SUCLA2: variants seen among roughly 807,000 people sequenced by gnomAD.
SUCLA2 encodes the protein succinate--CoA ligase [ADP-forming] subunit beta, mitochondrial.
In SUCLA2, 30 loss-of-function variants were observed where a neutral mutation model predicts 54.8. That is an observed-to-expected ratio of 0.55 (90% confidence interval 0.41 to 0.74). The LOEUF is 0.74. SUCLA2 is among the 30% of genes least tolerant of loss of function. The probability of loss-of-function intolerance (pLI) is 0.00; values close to 1 mark genes in which losing one functional copy is unlikely to be tolerated. For missense variants in SUCLA2, 476 were observed against 562.9 expected, an observed-to-expected ratio of 0.85 and a Z score of 1.56; for synonymous variants, 172 against 188.9, an observed-to-expected ratio of 0.91 and a Z score of 0.74.
In SUCLA2 at chr13:48,001,156, C is replaced by T. The variant is rs9567972; in HGVS notation, c.90+24G>A. ...CCCTTTCTCCTGCCGACCCTCGAGA[C>T]GACAGCGGACTGGAAGGCATTACCT... On this transcript the variant is annotated intron_variant, in intron 1 of 10. Transcript: ENST00000646932. The T allele has an allele frequency of 0.79, 1,256,075 of 1,596,726 alleles. 499,113 individuals carry two copies. Among genetic ancestry groups the T allele is most frequent in the Non-Finnish European group, 0.82 (961,505 of 1,172,150 alleles).
intron 6 of SUCLA2, among the ~76,000 whole-genome samples, chr13:47,961,314 C>T (rs369302929): frequency 5.9e-5 from 9 of 152,168 alleles, no homozygotes; most frequent in African/African-American, 9.6e-5. Context: ...AGTTGGCATG[C>T]TATCTTTATT....
At chr13:47,948,575 A>T (rs1162274445) in intron 10 of SUCLA2, among the ~76,000 whole-genome samples, 2 of 152,100 alleles carry the variant, frequency 1.3e-5, no homozygotes, top group Admixed American at 1.3e-4. Context: ...ATCTTGCTTA[A>T]GTCAGTTTAG....
intron 10 of SUCLA2, among the ~76,000 whole-genome samples, chr13:47,948,370 T>C (rs553657617): frequency 1.3e-5 from 2 of 151,868 alleles, no homozygotes; most frequent in East Asian, 3.9e-4. Flanking sequence ...CGTGCATGTG[T>C]GTGTGCGTGC....
chr13:47,978,979 C>T (rs1950039915), intron 4 of SUCLA2, among the ~76,000 whole-genome samples: 2 of 152,132 alleles, frequency 1.3e-5, no homozygotes, highest in South Asian at 4.1e-4. Flanking sequence ...CATCTCATGC[C>T]AGTTAGAATG....
At chr13:48,001,014 G>A in intron 1 of SUCLA2, 166 bp downstream of exon 1, 1 of 1,466,512 alleles carries the variant, frequency 6.8e-7, no homozygotes, top group Non-Finnish European at 9.1e-7. Flanking sequence ...GGGCTCGCTC[G>A]TAGTCCTGGC....
chr13:47,962,329 A>C (rs1417512439), intron 6 of SUCLA2, among the ~76,000 whole-genome samples: 1 of 152,208 alleles, frequency 6.6e-6, no homozygotes, highest in Non-Finnish European at 1.5e-5. Context: ...TTATTTGCAT[A>C]TATTTAATAA....
chr13:47,948,039 A>G (rs1477680740), intron 10 of SUCLA2, among the ~76,000 whole-genome samples: 1 of 152,200 alleles, frequency 6.6e-6, no homozygotes, highest in East Asian at 1.9e-4. Flanking sequence ...AAACATAACC[A>G]TAATACCATT....
At chr13:47,973,469 A>C in intron 4 of SUCLA2, 77 bp from the exon 5 acceptor site, 9 of 1,505,052 alleles carry the variant, frequency 6.0e-6, no homozygotes, top group Non-Finnish European at 8.2e-6. Flanking sequence ...CTACCCGTGC[A>C]TAATATCAGA....
chr13:47,974,750 T>C (rs1949995607), intron 4 of SUCLA2, among the ~76,000 whole-genome samples: 1 of 152,128 alleles, frequency 6.6e-6, no homozygotes, highest in African/African-American at 2.4e-5. Flanking sequence ...AATTATCTAA[T>C]AGATCTACTA....
intron 1 of SUCLA2, chr13:48,000,873 T>C (rs752270151): frequency 1.1e-3 from 1,303 of 1,201,960 alleles, no homozygotes; most frequent in Admixed American, 1.6e-3. Flanking sequence ...CAGCAGAAAA[T>C]GTCCTGACCC....
chr13:47,962,674 G>A (rs934027691), intron 6 of SUCLA2, among the ~76,000 whole-genome samples: 1 of 152,112 alleles, frequency 6.6e-6, no homozygotes, highest in Admixed American at 6.6e-5. Flanking sequence ...GGTCACCTAT[G>A]GTATGGAGCT....
At chr13:47,956,872 T>C (rs1356077802) in intron 6 of SUCLA2, 1 of 152,144 alleles carries the variant, frequency 6.6e-6, no homozygotes, top group Non-Finnish European at 1.5e-5. Context: ...TGTTGGTAAA[T>C]CTTCATCTAT....
intron 10 of SUCLA2, among the ~76,000 whole-genome samples, chr13:47,944,960 T>C (rs117795514): frequency 0.015 from 2,312 of 151,998 alleles, 27 homozygotes; most frequent in Middle Eastern, 0.044. Flanking sequence ...CTATCTCTAC[T>C]AAAAATACAA....
chr13:47,998,283 CAAAT>C (rs1950204517), intron 1 of SUCLA2, among the ~76,000 whole-genome samples: 2 of 109,050 alleles, frequency 1.8e-5, no homozygotes, highest in Admixed American at 1.0e-4. Flanking sequence ...TCTAAAAAAA[CAAAT>C]AAATAAGTTA....
In SUCLA2 at chr13:47,994,973, A is replaced by C. The variant is rs1015761286; in HGVS notation, c.271+1870T>G. ...AATTAATCCTATTCATTTTATGAAAAAGTTTCTATGCAAATTATTTTTTCT... is the reference window on the plus strand; with the variant it reads ...AATTAATCCTATTCATTTTATGAAACAGTTTCTATGCAAATTATTTTTTCT... On this transcript the variant is annotated intron_variant, in intron 2 of 10. Transcript: ENST00000646932. 1.8e-5 allele frequency: 9 copies of C among 509,860 alleles called. No homozygotes were observed. In the Admixed American group the frequency reaches 3.2e-4, roughly 18 times the overall value. 31.6% of individuals were successfully genotyped at this position (509,860 alleles called of 1,614,324 possible).
chr13:47,975,770 C>A (rs1429750032), intron 4 of SUCLA2, among the ~76,000 whole-genome samples: 1 of 152,158 alleles, frequency 6.6e-6, no homozygotes, highest in Non-Finnish European at 1.5e-5. Context: ...ATAGTTGATG[C>A]GACCAAGGAG....
intron 8 of SUCLA2, among the ~76,000 whole-genome samples, chr13:47,950,596 T>G (rs754152330): frequency 2.0e-5 from 3 of 152,160 alleles, no homozygotes; most frequent in Non-Finnish European, 1.5e-5. Context: ...TCAGCATTCT[T>G]TCAACATCAC....
chr13:47,988,143 G>A, intron 4 of SUCLA2: 2 of 197,122 alleles, frequency 1.0e-5, no homozygotes, highest in South Asian at 1.8e-4. Context: ...AAGAAGTTGA[G>A]AAAACAGAAG....
intron 6 of SUCLA2, 51 bp downstream of exon 6, chr13:47,968,544 A>T (rs201670448): frequency 7.5e-6 from 12 of 1,602,342 alleles, no homozygotes; most frequent in Non-Finnish European, 8.5e-6. Context: ...TTAGGGAAGC[A>T]TATTAGAGAA....
Sources: gnomAD v4.1 joint callset for allele counts (sites outside exome capture counted in the v4.1 genomes callset) on GRCh38, gnomAD v4.1.1 for gene constraint, MANE v1.5 for transcripts, NCBI Gene and HGNC (gene_info 2026-07-23, HGNC 2026-07-21) for gene names.